Variants in BOP1 observed in about 807,000 individuals in gnomAD.
The protein encoded by BOP1 is ribosome biogenesis protein BOP1.
BOP1 carries 54 observed loss-of-function variants against 82.9 expected under a neutral mutation model. The ratio of observed to expected loss-of-function variants is 0.65; its 90% confidence interval spans 0.52 to 0.82. BOP1 has a LOEUF of 0.82. BOP1 is among the 40% of genes least tolerant of loss of function. The probability of loss-of-function intolerance (pLI) is 0.00; values close to 1 mark genes in which losing one functional copy is unlikely to be tolerated. For synonymous variants in BOP1, 566 were observed against 451.1 expected, an observed-to-expected ratio of 1.25 and a Z score of -3.23; for missense variants, 1,170 against 1,072.0, an observed-to-expected ratio of 1.09 and a Z score of -1.28.
Position 144,269,496 on chromosome 8 carries a change from G to A in BOP1, c.391-4425C>T, listed in dbSNP as rs1019055391. Among the ~76,000 whole-genome samples, 7 of 152,256 alleles carry A rather than the reference G, an allele frequency of 4.6e-5. No homozygotes were observed. In the South Asian group the frequency reaches 1.4e-3, roughly 31 times the overall value. On this transcript the variant is annotated intron_variant, in intron 3 of 15. Transcript: ENST00000569669. ...GCAAAGACAGGCTCCAGGGAATGGC[G>A]GAGCAGGAAGCAGTGGTGTAATTTT... is the stretch of plus-strand genomic sequence containing the variant.
chr8:144,283,969 T>C (rs1588607237), intron 2 of BOP1, among the ~76,000 whole-genome samples: 1 of 152,168 alleles, frequency 6.6e-6, no homozygotes, highest in Admixed American at 6.5e-5. Context: ...ATACAGACAT[T>C]AGCCGGGCGT....
chr8:144,269,162 G>A (rs1436216374), intron 3 of BOP1, among the ~76,000 whole-genome samples: 2 of 152,236 alleles, frequency 1.3e-5, no homozygotes, highest in Non-Finnish European at 2.9e-5. Context: ...AGCCCCCACA[G>A]TGCTCTGTGC....
intron 3 of BOP1, among the ~76,000 whole-genome samples, chr8:144,267,915 T>G (rs902519581): frequency 6.6e-6 from 1 of 152,178 alleles, no homozygotes; most frequent in South Asian, 2.1e-4. Context: ...TCTGGGAAAT[T>G]TAATTTTACA....
chr8:144,277,698 G>A (rs1845588962), intron 2 of BOP1, among the ~76,000 whole-genome samples: 2 of 148,916 alleles, frequency 1.3e-5, no homozygotes, highest in East Asian at 2.1e-4. Context: ...CGAAGGTGCT[G>A]GGTTCCCAGG....
At chr8:144,287,557 G>C (rs1243843574) in intron 2 of BOP1, among the ~76,000 whole-genome samples, 1 of 152,068 alleles carries the variant, frequency 6.6e-6, no homozygotes, top group Non-Finnish European at 1.5e-5. Flanking sequence ...CTGGAGTGCA[G>C]TGGCTCTATC....
chr8:144,267,260 C>A, intron 3 of BOP1: 1 of 1,414,812 alleles, frequency 7.1e-7, no homozygotes, highest in South Asian at 1.5e-5. Flanking sequence ...GGAGGCGAGG[C>A]CACACGGGCA....
At chr8:144,284,534 G>A (rs1271224254) in intron 2 of BOP1, among the ~76,000 whole-genome samples, 37 of 152,152 alleles carry the variant, frequency 2.4e-4, no homozygotes, top group Admixed American at 2.2e-3. Flanking sequence ...GACAGCGCAC[G>A]GCTGCCCCTT....
At position 144,264,306 on chromosome 8, in the gene BOP1, G is replaced by A. The variant is rs1845305917; in HGVS notation, c.897C>T (p.His299=). The A allele has an allele frequency of 7.5e-6, 12 of 1,610,688 alleles. No individual in the cohort carries two copies. The highest frequency in any genetic ancestry group is 6.7e-5 in the African/African-American group (5 of 74,880). Residue 299 remains histidine (H), a synonymous_variant, in exon 7 of 16, where the codon CAC becomes CAT. Transcript: ENST00000569669. ...PNAVLGRHKM[H]VPAPKLALPG... ...GCAGGGCCAGCTTGGGAGCAGGTAC[G>A]TGCATCTTGTGGCGCCCGAGCACGG...
intron 3 of BOP1, chr8:144,266,718 C>G (rs1845376817): frequency 2.5e-6 from 3 of 1,199,080 alleles, no homozygotes; most frequent in Non-Finnish European, 2.1e-6. Context: ...GCTCGGGCTC[C>G]GACGAGAAAC....
intron 3 of BOP1, chr8:144,268,134 C>T (rs1398059805): frequency 2.6e-5 from 41 of 1,551,608 alleles, no homozygotes; most frequent in Non-Finnish European, 3.2e-5. Context: ...GACAGCGATT[C>T]GCAGTTAGGA....
intron 1 of BOP1, 85 bp from the exon 2 acceptor site, chr8:144,289,389 C>G (rs1387178406): frequency 2.8e-5 from 40 of 1,423,220 alleles, no homozygotes; most frequent in Admixed American, 4.0e-5. Flanking sequence ...TCTCGCCCCT[C>G]CAGCCACCCA....
At chr8:144,283,034 C>CA (rs527621932) in intron 2 of BOP1, among the ~76,000 whole-genome samples, 17,033 of 134,660 alleles carry the variant, frequency 0.13, 1,073 homozygotes, top group Non-Finnish European at 0.15. Flanking sequence ...ACTAAAAATA[C>CA]AAAAAAAAAA....
chr8:144,268,376 G>T, intron 3 of BOP1: 2 of 598,692 alleles, frequency 3.3e-6, no homozygotes, highest in South Asian at 2.0e-5. Flanking sequence ...AACTTTCTGC[G>T]CTGGCTTTTC....
intron 3 of BOP1, 47 bp from the exon 4 acceptor site, chr8:144,265,118 C>T (rs1485404333): frequency 7.3e-5 from 115 of 1,581,150 alleles, no homozygotes; most frequent in Non-Finnish European, 5.1e-5. Context: ...ACAAGGCCCA[C>T]CCCCGCTTCG....
intron 3 of BOP1, among the ~76,000 whole-genome samples, chr8:144,267,867 T>C (rs1845414752): frequency 6.6e-6 from 1 of 152,114 alleles, no homozygotes; most frequent in African/African-American, 2.4e-5. Flanking sequence ...CCCCATTTCC[T>C]CTCCAGACAG....
At chr8:144,285,151 T>C (rs1554839327) in intron 2 of BOP1, among the ~76,000 whole-genome samples, 2 of 152,212 alleles carry the variant, frequency 1.3e-5, no homozygotes, top group Non-Finnish European at 1.5e-5. Flanking sequence ...CTCCCTCCCA[T>C]GCCAGTCACA....
intron 3 of BOP1, among the ~76,000 whole-genome samples, chr8:144,271,270 A>G (rs1273105247): frequency 6.6e-6 from 1 of 151,650 alleles, no homozygotes; most frequent in African/African-American, 2.4e-5. Flanking sequence ...TGCAGCTGTC[A>G]GGACCACAGA....
Position 144,263,727 on chromosome 8 carries a change from AGGCACCGGACAAGGTCACTGT to A in BOP1, c.1235_1255del (p.His412_Cys418del). On this transcript the variant is annotated inframe_deletion, in exon 10 of 16. Coordinates refer to ENST00000569669, the MANE Select transcript of BOP1 (RefSeq NM_015201.5). ...CCACTGGCCCCCAGGAGAGACACTG[AGGCACCGGACAAGGTCACTGT>A]GGCCCCTGTAGACCTGAGGAGGCGG... The A allele has an allele frequency of 6.3e-7, 1 of 1,576,120 alleles. No homozygotes were observed. The highest frequency in any genetic ancestry group is 8.6e-7 in the Non-Finnish European group (1 of 1,162,068).
chr8:144,267,421 A>G (rs1220390640), intron 3 of BOP1, among the ~76,000 whole-genome samples: 1 of 152,114 alleles, frequency 6.6e-6, no homozygotes, highest in Non-Finnish European at 1.5e-5. Flanking sequence ...CATGAGGGGT[A>G]AGAGCTAGGG....
Sources: gnomAD v4.1 joint callset for allele counts (sites outside exome capture counted in the v4.1 genomes callset) on GRCh38, gnomAD v4.1.1 for gene constraint, MANE v1.5 for transcripts, NCBI Gene and HGNC (gene_info 2026-07-23, HGNC 2026-07-21) for gene names.